Variants in ARHGEF10 observed in about 807,000 individuals in gnomAD.
The protein encoded by ARHGEF10 is Rho guanine nucleotide exchange factor (GEF) 10.
A neutral mutation model predicts 147.4 loss-of-function variants in ARHGEF10; 140 were observed. That is an observed-to-expected ratio of 0.95 (90% CI 0.83 to 1.09). ARHGEF10 has a LOEUF of 1.09. Among genes scored for constraint, ARHGEF10 ranks in the 50% least tolerant of loss-of-function variants. ARHGEF10 has a pLI of 0.00. For synonymous variants in ARHGEF10, 902 were observed against 695.8 expected, an observed-to-expected ratio of 1.30 and a Z score of -4.67; for missense variants, 2,222 against 1,752.7, an observed-to-expected ratio of 1.27 and a Z score of -4.78.
chr8:1,900,487 C>G (rs7014554), intron 15 of ARHGEF10, among the ~76,000 whole-genome samples: 1 of 151,996 alleles, frequency 6.6e-6, no homozygotes, highest in African/African-American at 2.4e-5. Context: ...TGTCTAGCCA[C>G]AAATCTAGTA....
At chr8:1,889,125 A>T (rs1376339086) in intron 11 of ARHGEF10, among the ~76,000 whole-genome samples, 1 of 66,098 alleles carries the variant, frequency 1.5e-5, no homozygotes, top group Admixed American at 1.4e-4. Context: ...GTCTGTGAGG[A>T]GACACTGTGA....
intron 26 of ARHGEF10, among the ~76,000 whole-genome samples, chr8:1,938,756 C>T (rs975123547): frequency 2.0e-5 from 3 of 152,044 alleles, no homozygotes; most frequent in African/African-American, 4.8e-5. Context: ...GGCAGCATAG[C>T]GAGACCCTAT....
intron 18 of ARHGEF10, among the ~76,000 whole-genome samples, chr8:1,916,530 G>A (rs1284927844): frequency 2.0e-5 from 3 of 152,172 alleles, no homozygotes; most frequent in South Asian, 2.1e-4. Flanking sequence ...TCTGTTCAGT[G>A]CTGTGGTTTC....
chr8:1,900,593 C>T (rs78240379), intron 15 of ARHGEF10, among the ~76,000 whole-genome samples: 3 of 152,176 alleles, frequency 2.0e-5, no homozygotes, highest in Non-Finnish European at 4.4e-5. Context: ...CATGGCCTGC[C>T]TGTTACACAC....
chr8:1,864,819 A>G (rs1806448555), intron 5 of ARHGEF10, among the ~76,000 whole-genome samples: 1 of 152,240 alleles, frequency 6.6e-6, no homozygotes. Flanking sequence ...AGCAGCCACT[A>G]GAGCAGTGCT....
Position 1,948,546 on chromosome 8 carries a change from G to A in ARHGEF10, c.3397+2891G>A, listed in dbSNP as rs945502996. On this transcript the variant is annotated intron_variant, in intron 27 of 28. Coordinates refer to ENST00000349830, the MANE Select transcript of ARHGEF10 (RefSeq NM_014629.4). This position sits in a 1 kb window ranked among gnomAD's most constrained non-coding sequence, Gnocchi z 4.9. Reference sequence around the variant, plus strand: ...TTGTCAGCAGGAGAAAGGTACACGGGTTAGAGGCAACCTCGGTGACACCAG... The same window carrying A: ...TTGTCAGCAGGAGAAAGGTACACGGATTAGAGGCAACCTCGGTGACACCAG... Among the ~76,000 whole-genome samples, 2 of 152,172 alleles carry A rather than the reference G, an allele frequency of 1.3e-5. No individual in the cohort carries two copies. Among genetic ancestry groups the A allele is most frequent in the Non-Finnish European group, 2.9e-5 (2 of 68,034 alleles).
At chr8:1,951,362 G>A (rs1432391286) in intron 27 of ARHGEF10, among the ~76,000 whole-genome samples, 3 of 152,240 alleles carry the variant, frequency 2.0e-5, no homozygotes. Flanking sequence ...CAGCGCTGTG[G>A]ATTCACTATC....
chr8:1,859,805 G>A, intron 3 of ARHGEF10, 92 bp from the exon 4 acceptor site: 1 of 1,474,764 alleles, frequency 6.8e-7, no homozygotes, highest in Non-Finnish European at 9.4e-7. Context: ...GATGGTGGGA[G>A]CTCATACCTG....
upstream of ARHGEF10, among the ~76,000 whole-genome samples, chr8:1,823,699 C>A (rs1010156441): frequency 1.3e-5 from 2 of 151,674 alleles, no homozygotes; most frequent in African/African-American, 4.8e-5. Context: ...AGGAGATGAT[C>A]CGGGGGCGGG....
chr8:1,863,387 G>C (rs1320744135), intron 4 of ARHGEF10, among the ~76,000 whole-genome samples: 1 of 152,226 alleles, frequency 6.6e-6, no homozygotes, highest in Non-Finnish European at 1.5e-5. Flanking sequence ...ATCGAGCTCA[G>C]CTGTCTCCGA....
chr8:1,866,015 C>T (rs1472018667), intron 5 of ARHGEF10, among the ~76,000 whole-genome samples: 5 of 152,220 alleles, frequency 3.3e-5, no homozygotes, highest in Non-Finnish European at 5.9e-5. Context: ...AGGATGACAC[C>T]GCAGTCCCTG....
intron 8 of ARHGEF10, 63 bp downstream of exon 8, chr8:1,876,797 A>G (rs1807748996): frequency 1.3e-6 from 2 of 1,564,280 alleles, no homozygotes; most frequent in East Asian, 4.5e-5. Context: ...GGGGGCTGTG[A>G]ATATGATTGT....
intron 18 of ARHGEF10, among the ~76,000 whole-genome samples, chr8:1,909,792 A>G (rs1334352782): frequency 6.6e-6 from 1 of 152,190 alleles, no homozygotes; most frequent in Non-Finnish European, 1.5e-5. Flanking sequence ...AGGACTTGGC[A>G]GTGCTGGTCT....
intron 10 of ARHGEF10, among the ~76,000 whole-genome samples, chr8:1,884,210 G>T (rs1012945868): frequency 5.9e-5 from 9 of 152,022 alleles, no homozygotes; most frequent in African/African-American, 2.2e-4. Flanking sequence ...TGGCTAACAC[G>T]GTGAAACCCC....
At chr8:1,881,620 C>A (rs1276529858) in intron 9 of ARHGEF10, among the ~76,000 whole-genome samples, 1 of 152,056 alleles carries the variant, frequency 6.6e-6, no homozygotes, top group South Asian at 2.1e-4. Context: ...GGGCAGGCGA[C>A]GCGGGTGTGA....
intron 11 of ARHGEF10, among the ~76,000 whole-genome samples, chr8:1,890,139 TGAGGGTTTGTGAGGAGACACTGAGTGGGG>T (rs1809347659): frequency 9.7e-5 from 2 of 20,612 alleles, no homozygotes; most frequent in African/African-American, 4.0e-4. Flanking sequence ...CGGAGTGGGG[TGAGGGTTTGTGAGGAGACACTGAGTGGGG>T]TGAGGGTTTG....
intron 7 of ARHGEF10, among the ~76,000 whole-genome samples, chr8:1,874,174 A>C (rs960804362): frequency 6.6e-6 from 1 of 152,214 alleles, no homozygotes; most frequent in Non-Finnish European, 1.5e-5. Context: ...ATGGTTAGCA[A>C]GACCCTTCAA....
At chr8:1,857,778 G>C (rs1244926241) in intron 2 of ARHGEF10, among the ~76,000 whole-genome samples, 182 bp from the exon 3 acceptor site, 2 of 152,164 alleles carry the variant, frequency 1.3e-5, no homozygotes, top group African/African-American at 4.8e-5. Flanking sequence ...CAGTGACTCA[G>C]AATTCTAATG....
At chr8:1,841,681 A>G (rs1804044324) in intron 1 of ARHGEF10, among the ~76,000 whole-genome samples, 1 of 151,986 alleles carries the variant, frequency 6.6e-6, no homozygotes, top group South Asian at 2.1e-4. Flanking sequence ...CTCAAACCGA[A>G]GTTCCGCTCT....
Sources: gnomAD v4.1 joint callset for allele counts (sites outside exome capture counted in the v4.1 genomes callset) on GRCh38, gnomAD v4.1.1 for gene constraint, Gnocchi (gnomAD v3.1) non-coding constraint, MANE v1.5 for transcripts, NCBI Gene and HGNC (gene_info 2026-07-23, HGNC 2026-07-21) for gene names.